GYS2: variants seen among roughly 807,000 people sequenced by gnomAD.
GYS2 encodes the protein glycogen synthase 2.
A neutral mutation model predicts 85.6 loss-of-function variants in GYS2; 80 were observed. That is an observed-to-expected ratio of 0.93 (90% CI 0.78 to 1.13). GYS2 has a LOEUF of 1.13. Ranked by LOEUF, GYS2 falls within the 50% of genes most tolerant of loss-of-function variation. The pLI is 0.00. For missense variants in GYS2, 881 were observed against 854.9 expected (o/e 1.03, Z -0.38); for synonymous variants, 328 against 300.7 (o/e 1.09, Z -0.94).
At chr12:21,546,231 A>G in intron 12 of GYS2, 113 bp downstream of exon 12, 1 of 801,134 alleles carries the variant, frequency 1.2e-6, no homozygotes, top group Non-Finnish European at 1.9e-6. Context: ...TTAAAACTGA[A>G]GAATTGAAAT....
chr12:21,580,478 G>A lies in GYS2; in HGVS notation c.167C>T (p.Ala56Val). The A allele has an allele frequency of 6.2e-7, 1 of 1,613,656 alleles. No homozygotes were observed. Among genetic ancestry groups the A allele is most frequent in the African/African-American group, 1.3e-5 (1 of 75,016 alleles). ...AAAATAGTTCTCTCCCCATTCATCT[G>A]CTGTTGTTTTGGCCTTTGTCTGAAT... ...TVIQTKAKTT[A>V]DEWGENYFLI... Residue 56 changes from alanine (A) to valine (V), a missense_variant, in exon 2 of 16, where the codon GCA becomes GTA. Transcript: ENST00000261195.
intron 15 of GYS2, among the ~76,000 whole-genome samples, chr12:21,537,627 C>T (rs1466867268): frequency 6.6e-6 from 1 of 152,132 alleles, no homozygotes; most frequent in Non-Finnish European, 1.5e-5. Flanking sequence ...CAAATTTGTT[C>T]AGCAAAGCTT....
intron 11 of GYS2, among the ~76,000 whole-genome samples, chr12:21,548,962 T>C (rs1184570713): frequency 6.6e-6 from 1 of 152,110 alleles, no homozygotes; most frequent in East Asian, 1.9e-4. Flanking sequence ...AGAATGAAAA[T>C]AGGCATATAC....
chr12:21,550,203 C>T (rs976882415), intron 11 of GYS2, among the ~76,000 whole-genome samples: 1 of 152,042 alleles, frequency 6.6e-6, no homozygotes, highest in East Asian at 1.9e-4. Flanking sequence ...CTAAAGGCAG[C>T]CCTGGTTCCC....
intron 11 of GYS2, among the ~76,000 whole-genome samples, chr12:21,549,654 A>G (rs899750289): frequency 3.9e-5 from 6 of 151,966 alleles, no homozygotes; most frequent in African/African-American, 1.2e-4. Context: ...ATTTATTTTG[A>G]TGTATGTCCC....
chr12:21,536,798 A>G lies in GYS2; in HGVS notation c.*156T>C, dbSNP rs1261516542. 1 of 644,358 alleles carries G rather than the reference A, an allele frequency of 1.6e-6. No individual in the cohort carries two copies. The highest frequency in any genetic ancestry group is 1.8e-5 in the African/African-American group (1 of 55,000). 39.9% of individuals were successfully genotyped at this position (644,358 alleles called of 1,614,324 possible). On this transcript the variant is annotated 3_prime_UTR_variant, in exon 16 of 16. Coordinates refer to ENST00000261195, the MANE Select transcript of GYS2 (RefSeq NM_021957.4). ...ACTTGGATCTTATCCTAAATTACAA[A>G]ATTGTCATTCACTCAATTTCTTCCA...
intron 2 of GYS2, among the ~76,000 whole-genome samples, chr12:21,578,417 T>G (rs1223724188): frequency 6.6e-6 from 1 of 152,194 alleles, no homozygotes; most frequent in Non-Finnish European, 1.5e-5. Context: ...ACACTGGATC[T>G]TCATCTATTC....
chr12:21,540,613 C>T, intron 13 of GYS2, 40 bp from the exon 14 acceptor site: 1 of 1,564,296 alleles, frequency 6.4e-7, no homozygotes, highest in East Asian at 2.2e-5. Flanking sequence ...AAAAGTAGGA[C>T]TAACCTTAAA....
chr12:21,596,009 C>T (rs986187565), intron 1 of GYS2, among the ~76,000 whole-genome samples: 14 of 152,160 alleles, frequency 9.2e-5, no homozygotes, highest in East Asian at 3.9e-4. Context: ...TTCAACAGCG[C>T]GTGGAAATTT....
chr12:21,580,573 T>C, intron 1 of GYS2, 50 bp from the exon 2 acceptor site: 1 of 1,369,718 alleles, frequency 7.3e-7, no homozygotes. Context: ...GCAATTTGTT[T>C]AAAGTAATAA....
chr12:21,549,806 T>A (rs1212286615), intron 11 of GYS2, among the ~76,000 whole-genome samples: 2 of 152,198 alleles, frequency 1.3e-5, no homozygotes, highest in African/African-American at 4.8e-5. Flanking sequence ...TCATTAATGA[T>A]GATGTTTATT....
At chr12:21,576,754 G>A (rs1008650436) in intron 2 of GYS2, among the ~76,000 whole-genome samples, 2 of 152,054 alleles carry the variant, frequency 1.3e-5, no homozygotes, top group African/African-American at 4.8e-5. Context: ...CCAGTTGTAT[G>A]TATATCATCA....
chr12:21,551,353 A>G lies in GYS2; in HGVS notation c.1423-4883T>C, dbSNP rs562705741. Among the ~76,000 whole-genome samples the G allele has an allele frequency of 3.3e-5, 5 of 152,216 alleles. No individual in the cohort carries two copies. The South Asian group carries it at 1.0e-3, about 32-fold the overall frequency. ...ACTTGGGTATGTAACAATTATCATT[A>G]TATTGTATAACATTTTATATACTAT... is the stretch of plus-strand genomic sequence containing the variant. On this transcript the variant is annotated intron_variant, in intron 11 of 15. Coordinates refer to ENST00000261195, the MANE Select transcript of GYS2 (RefSeq NM_021957.4).
rs1393036735 is a variant in GYS2 at position 21,540,576 on chromosome 12, G to A, written c.1646-3C>T. ...CCGCCTGTCAACGATGTAAATACCT[G>A]AAGAACACAAAAGCCAAAGCACAAG... is the stretch of plus-strand genomic sequence containing the variant. On this transcript the variant is annotated splice_polypyrimidine_tract_variant and splice_region_variant and intron_variant, in intron 13 of 15. Coordinates refer to ENST00000261195, the MANE Select transcript of GYS2 (RefSeq NM_021957.4). 1 of 1,613,096 alleles carries A rather than the reference G, an allele frequency of 6.2e-7. No individual in the cohort carries two copies. Among genetic ancestry groups the A allele is most frequent in the Admixed American group, 1.7e-5 (1 of 60,014 alleles).
chr12:21,535,379 A>G (rs1030501170), downstream of GYS2, among the ~76,000 whole-genome samples: 18 of 152,154 alleles, frequency 1.2e-4, no homozygotes, highest in Non-Finnish European at 8.8e-5. Flanking sequence ...TCAGGGAATG[A>G]GCCTATAATA....
intron 1 of GYS2, among the ~76,000 whole-genome samples, chr12:21,590,317 C>T (rs574269719): frequency 1.3e-5 from 2 of 152,302 alleles, no homozygotes; most frequent in East Asian, 3.9e-4. Context: ...CCTGGCTTTG[C>T]CTTCCTCAAT....
chr12:21,553,354 G>A (rs936929272), intron 11 of GYS2, among the ~76,000 whole-genome samples: 4 of 152,218 alleles, frequency 2.6e-5, no homozygotes, highest in Non-Finnish European at 4.4e-5. Flanking sequence ...AGTCTTCATG[G>A]ACTTAGTCTG....
intron 1 of GYS2, among the ~76,000 whole-genome samples, chr12:21,600,919 A>T (rs1468317543): frequency 6.6e-6 from 1 of 152,140 alleles, no homozygotes; most frequent in Non-Finnish European, 1.5e-5. Context: ...AGGAGGAAGC[A>T]GGTAAATTAT....
At chr12:21,569,425 A>G (rs1299436363) in intron 4 of GYS2, among the ~76,000 whole-genome samples, 1 of 152,244 alleles carries the variant, frequency 6.6e-6, no homozygotes, top group African/African-American at 2.4e-5. Context: ...CGAAAATAAG[A>G]ATAATTATTA....
Sources: gnomAD v4.1 joint callset for allele counts (sites outside exome capture counted in the v4.1 genomes callset) on GRCh38, gnomAD v4.1.1 for gene constraint, MANE v1.5 for transcripts, NCBI Gene and HGNC (gene_info 2026-07-23, HGNC 2026-07-21) for gene names.